The following STAT3 variants were observed in gnomAD, a reference collection of about 807,000 sequenced individuals.
STAT3 encodes the protein DNA-binding protein APRF.
In STAT3, 7 loss-of-function variants were observed where a neutral mutation model predicts 114.3. The ratio of observed to expected loss-of-function variants is 0.06; its 90% CI spans 0.03 to 0.11. The LOEUF (loss-of-function observed/expected upper bound fraction) is 0.11. Among genes scored for constraint, STAT3 ranks in the 10% least tolerant of loss-of-function variants. The pLI, the probability that STAT3 is intolerant of heterozygous loss-of-function variation, is 1.00. For synonymous variants in STAT3, 331 were observed against 354.5 expected (o/e 0.93, Z 0.74); for missense variants, 364 against 960.9 (o/e 0.38, Z 8.21).
At chr17:42,334,600 A>G (rs909423644) in intron 8 of STAT3, among the ~76,000 whole-genome samples, 2 of 150,520 alleles carry the variant, frequency 1.3e-5, no homozygotes, top group African/African-American at 4.9e-5. Flanking sequence ...ACCCACCACC[A>G]CTCCCGGATA....
intron 1 of STAT3, among the ~76,000 whole-genome samples, chr17:42,353,132 G>A (rs554777496): frequency 5.9e-5 from 9 of 152,198 alleles, no homozygotes; most frequent in South Asian, 2.1e-4. Context: ...TGGATCACCC[G>A]AGGTCAGGAG....
At chr17:42,365,702 A>C (rs12949179) in intron 1 of STAT3, among the ~76,000 whole-genome samples, 138,947 of 147,886 alleles carry the variant, frequency 0.94, 65,880 homozygotes, top group East Asian at 1. Context: ...GTTGCCCAGG[A>C]TGGAGTGCAG....
Position 42,376,471 on chromosome 17 carries a change from C to T in STAT3, c.-24+11808G>A, listed in dbSNP as rs571427462. On this transcript the variant is annotated intron_variant, in intron 1 of 23. Coordinates refer to ENST00000264657, the MANE Select transcript of STAT3 (RefSeq NM_139276.3). The stretch of plus-strand genomic sequence containing the variant: ...CTGAGGCAGGAGAATCACTTGAACC[C>T]GGGAGGTGGAGGTTGCAGTGAGCGG... Among the ~76,000 whole-genome samples the T allele has an allele frequency of 1.1e-4, 15 of 142,504 alleles. No individual in the cohort carries two copies. The South Asian group carries it at 2.5e-3, about 24-fold the overall frequency. 93.5% of individuals were successfully genotyped at this position (142,504 alleles called of 152,430 possible). A position where few individuals can be genotyped will look rare whatever the true frequency, so the allele number is the denominator to read the frequency against.
At chr17:42,345,423 A>G (rs576922984) in intron 4 of STAT3, 136 bp downstream of exon 4, 14 of 752,098 alleles carry the variant, frequency 1.9e-5, no homozygotes, top group East Asian at 2.7e-5. Flanking sequence ...AGAGTTTTTC[A>G]ATGTATTTTT....
At chr17:42,334,136 G>A (rs1233760686) in intron 8 of STAT3, 87 bp from the exon 9 acceptor site, 5 of 1,476,910 alleles carry the variant, frequency 3.4e-6, no homozygotes, top group African/African-American at 1.4e-5. Flanking sequence ...TGAAGACATG[G>A]AGACCACTAC....
Position 42,354,806 on chromosome 17 carries a change from C to CA in STAT3, c.-23-6268dup, listed in dbSNP as rs59204136. Among the ~76,000 whole-genome samples the CA allele has an allele frequency of 2.2e-3, 234 of 104,358 alleles. 7 individuals are homozygous for CA. The highest frequency in any genetic ancestry group is 3.6e-3 in the Admixed American group (37 of 10,338). 68.5% of individuals were successfully genotyped at this position (104,358 alleles called of 152,430 possible). On this transcript the variant is annotated intron_variant, in intron 1 of 23. Transcript: ENST00000264657. ...TGGGCAACAGAGTGAGACTCTGTCT[C>CA]AAAAAAAAAAAAAAGAAGGCACCAG...
intron 2 of STAT3, 130 bp downstream of exon 2, chr17:42,348,259 G>A: frequency 7.4e-7 from 1 of 1,353,348 alleles, no homozygotes; most frequent in Non-Finnish European, 1.0e-6. Flanking sequence ...TTTATCTCCT[G>A]ATCTCATTTT....
chr17:42,379,829 T>C (rs772019098), intron 1 of STAT3, among the ~76,000 whole-genome samples: 5 of 152,182 alleles, frequency 3.3e-5, no homozygotes, highest in Non-Finnish European at 5.9e-5. Context: ...GCCTTACCTA[T>C]TCCTTTTATA....
chr17:42,377,025 AATAT>A (rs1300945201), intron 1 of STAT3, among the ~76,000 whole-genome samples: 8 of 152,204 alleles, frequency 5.3e-5, no homozygotes, highest in Non-Finnish European at 1.2e-4. Flanking sequence ...AAACATTAAA[AATAT>A]ATGTGTACAG....
intron 1 of STAT3, among the ~76,000 whole-genome samples, chr17:42,383,567 G>C (rs891924283): frequency 1.3e-5 from 2 of 152,122 alleles, no homozygotes; most frequent in Admixed American, 1.3e-4. Flanking sequence ...GGACCATGTG[G>C]CCATACTGAC....
At position 42,343,732 on chromosome 17, in the gene STAT3, C is replaced by T. The variant is rs141183427; in HGVS notation, c.372+1827G>A. 9.9e-5 allele frequency among the ~76,000 whole-genome samples: 15 copies of T among 152,174 alleles called. No homozygotes were observed. In the East Asian group the frequency reaches 2.3e-3, roughly 24 times the overall value. On this transcript the variant is annotated intron_variant, in intron 4 of 23. Transcript: ENST00000264657. Reference sequence around the variant, plus strand: ...CCTCCCAAAGTGCTTGGATTACAGGCGTGAGACATCGTGCCTGGCCCAGAT... The same window carrying T: ...CCTCCCAAAGTGCTTGGATTACAGGTGTGAGACATCGTGCCTGGCCCAGAT...
chr17:42,322,094 A>G (rs563551188), intron 21 of STAT3, among the ~76,000 whole-genome samples, 188 bp downstream of exon 21: 1 of 152,262 alleles, frequency 6.6e-6, no homozygotes, highest in East Asian at 1.9e-4. Flanking sequence ...CACTACTCTA[A>G]GTGATTCTGA....
Position 42,313,539 on chromosome 17 carries a change from G to C in STAT3, c.*2206C>G, listed in dbSNP as rs1285830392. 8.6e-6 allele frequency: 2 copies of C among 231,454 alleles called. No individual in the cohort carries two copies. The highest frequency in any genetic ancestry group is 4.4e-5 in the African/African-American group (2 of 45,142). The allele number at this position is 231,454 out of a possible 1,614,324, so 14.3% of individuals were successfully genotyped here. ...CCACGGGATTCCCTCGGCTGGGCTG[G>C]GGATGGGGAGGGGGCAGTGGACAGG... On this transcript the variant is annotated 3_prime_UTR_variant, in exon 24 of 24. Transcript: ENST00000264657.
At chr17:42,322,151 CA>C (rs2081510770) in intron 21 of STAT3, 130 bp downstream of exon 21, 2 of 889,698 alleles carry the variant, frequency 2.2e-6, no homozygotes, top group African/African-American at 3.3e-5. Context: ...GCACTCACTA[CA>C]ATTCTTTCCC....
At chr17:42,388,190 A>G in intron 1 of STAT3, 89 bp downstream of exon 1, 1 of 1,218,722 alleles carries the variant, frequency 8.2e-7, no homozygotes, top group Non-Finnish European at 1.0e-6. Flanking sequence ...GTCCATCACA[A>G]CATCCCCAAG....
chr17:42,362,187 C>T (rs2083545523), intron 1 of STAT3, among the ~76,000 whole-genome samples: 1 of 152,114 alleles, frequency 6.6e-6, no homozygotes, highest in African/African-American at 2.4e-5. Context: ...CTGTCAAGCT[C>T]GATTCCCTCA....
At chr17:42,339,171 G>T in intron 5 of STAT3, 143 bp downstream of exon 5, 1 of 767,316 alleles carries the variant, frequency 1.3e-6, no homozygotes, top group Non-Finnish European at 2.1e-6. Flanking sequence ...TAGGAGGATC[G>T]CTTGGGCCTG....
Position 42,323,603 on chromosome 17 carries a change from C to T in STAT3, c.1623G>A (p.Gly541=). ...KLLGPGVNYS[G]CQITWAKFCK... ...AAAATTTAGCCCATGTGATCTGACACCCTGAATAATTCACACCAGGTCCTG... is the reference window on the plus strand; with the variant it reads ...AAAATTTAGCCCATGTGATCTGACATCCTGAATAATTCACACCAGGTCCTG... The change falls in exon 18 of 24, where the codon GGG becomes GGA. Residue 541 remains glycine (G), a synonymous_variant. Transcript: ENST00000264657. 1 of 1,611,208 alleles carries T rather than the reference C, an allele frequency of 6.2e-7. No homozygotes were observed. Among genetic ancestry groups the T allele is most frequent in the Non-Finnish European group, 8.5e-7 (1 of 1,179,900 alleles).
At chr17:42,326,923 A>G (rs2081754446) in intron 14 of STAT3, among the ~76,000 whole-genome samples, 1 of 152,224 alleles carries the variant, frequency 6.6e-6, no homozygotes, top group South Asian at 2.1e-4. Context: ...GCCAAGCCTC[A>G]CCACACCAAG....
Sources: allele counts gnomAD v4.1 joint callset (sites outside exome capture counted in the v4.1 genomes callset), GRCh38; gene constraint gnomAD v4.1.1; transcripts MANE v1.5; gene names NCBI Gene and HGNC (gene_info 2026-07-23, HGNC 2026-07-21).